The following PPM1H variants were observed in gnomAD, a reference collection of about 807,000 sequenced individuals.
PPM1H encodes protein phosphatase, Mg2+/Mn2+ dependent 1H.
Under a neutral mutation model 54.9 loss-of-function variants are expected in PPM1H, and 27 were observed. The ratio of observed to expected loss-of-function variants is 0.49; its 90% CI spans 0.36 to 0.68. The LOEUF (loss-of-function observed/expected upper bound fraction) is 0.68. PPM1H is among the 30% of genes least tolerant of loss of function. PPM1H has a pLI of 0.00. For missense variants in PPM1H, 596 were observed against 667.8 expected (o/e 0.89, Z 1.19); for synonymous variants, 305 against 270.8 (o/e 1.13, Z -1.24).
intron 8 of PPM1H, among the ~76,000 whole-genome samples, chr12:62,683,596 A>C (rs1056554661): frequency 6.6e-6 from 1 of 152,212 alleles, no homozygotes; most frequent in Non-Finnish European, 1.5e-5. Context: ...AGTTATAAAA[A>C]ATACCTGATA....
chr12:62,744,640 C>T (rs2076400370), intron 4 of PPM1H, among the ~76,000 whole-genome samples: 2 of 152,138 alleles, frequency 1.3e-5, no homozygotes, highest in African/African-American at 2.4e-5. Flanking sequence ...ATTCCATGCC[C>T]GAATCCTGTG....
intron 4 of PPM1H, among the ~76,000 whole-genome samples, chr12:62,762,181 C>A (rs539508676): frequency 2.6e-5 from 4 of 152,332 alleles, no homozygotes; most frequent in Admixed American, 1.3e-4. Flanking sequence ...TTCTGTCTTG[C>A]ACAGGTGGTC....
At chr12:62,898,751 A>G (rs1040762424) in intron 1 of PPM1H, among the ~76,000 whole-genome samples, 3 of 152,218 alleles carry the variant, frequency 2.0e-5, no homozygotes, top group Non-Finnish European at 2.9e-5. Flanking sequence ...ACTTCCTGAA[A>G]CATATTACTG....
chr12:62,721,189 G>C (rs899133654), intron 5 of PPM1H, among the ~76,000 whole-genome samples: 1 of 152,228 alleles, frequency 6.6e-6, no homozygotes, highest in Non-Finnish European at 1.5e-5. Context: ...CAGGTCCTCA[G>C]TGTATGGGTC....
chr12:62,902,576 G>A (rs989016346), intron 1 of PPM1H, among the ~76,000 whole-genome samples: 3 of 152,162 alleles, frequency 2.0e-5, no homozygotes, highest in Admixed American at 6.5e-5. Flanking sequence ...GCCCCTGGGG[G>A]TAGCCTACCT....
At chr12:62,650,824 T>C (rs1032072490) in intron 9 of PPM1H, among the ~76,000 whole-genome samples, 5 of 152,124 alleles carry the variant, frequency 3.3e-5, no homozygotes, top group African/African-American at 1.2e-4. Flanking sequence ...TCGGTCCCCA[T>C]GATCTAATTG....
chr12:62,665,586 A>C (rs932411120), intron 9 of PPM1H, among the ~76,000 whole-genome samples: 1 of 152,114 alleles, frequency 6.6e-6, no homozygotes, highest in African/African-American at 2.4e-5. Context: ...TTTCTAGTTC[A>C]CCAGTGTTCT....
intron 6 of PPM1H, among the ~76,000 whole-genome samples, chr12:62,697,102 A>C (rs770381298): frequency 7.9e-5 from 12 of 151,848 alleles, no homozygotes; most frequent in Admixed American, 2.0e-4. Flanking sequence ...AGAAGAAGAG[A>C]GGAAAGTCAG....
At chr12:62,847,217 A>C (rs999916587) in intron 1 of PPM1H, among the ~76,000 whole-genome samples, 1 of 152,218 alleles carries the variant, frequency 6.6e-6, no homozygotes, top group East Asian at 1.9e-4. Context: ...AGAAGAGTAC[A>C]TGTTGGAAAT....
intron 4 of PPM1H, among the ~76,000 whole-genome samples, chr12:62,747,503 G>T (rs1242441336): frequency 6.6e-6 from 1 of 152,212 alleles, no homozygotes; most frequent in South Asian, 2.1e-4. Context: ...CTCCGAAAGT[G>T]TTGGGATGGC....
chr12:62,895,671 C>G lies in PPM1H; in HGVS notation c.245+38821G>C, dbSNP rs147820519. Among the ~76,000 whole-genome samples, 179 of 152,246 alleles carry G rather than the reference C, an allele frequency of 1.2e-3. 1 individual carries two copies. The highest frequency in any genetic ancestry group is 4.2e-3 in the African/African-American group (176 of 41,530). On this transcript the variant is annotated intron_variant, in intron 1 of 9. Transcript: ENST00000228705. ...ATTCTCAAGGGAGTGAGTGACTTCT[C>G]TTCATTCCTGCAATAACTGGTTGTT...
At chr12:62,867,355 C>G (rs1592644061) in intron 1 of PPM1H, among the ~76,000 whole-genome samples, 1 of 152,066 alleles carries the variant, frequency 6.6e-6, no homozygotes, top group Non-Finnish European at 1.5e-5. Flanking sequence ...GAGCAATGGT[C>G]CTTCAAACTT....
chr12:62,738,546 C>T lies in PPM1H; in HGVS notation c.870-960G>A, dbSNP rs1037064490. Among the ~76,000 whole-genome samples, 5 of 152,266 alleles carry T rather than the reference C, an allele frequency of 3.3e-5. No homozygotes were observed. In the South Asian group the frequency reaches 6.2e-4, roughly 19 times the overall value. ...CAACCTTTCCTGGGTCTATTCCCAG[C>T]GGTGCCTCCTGTTCCCAGACCTTCT... On this transcript the variant is annotated intron_variant, in intron 4 of 9. Coordinates refer to ENST00000228705, the MANE Select transcript of PPM1H (RefSeq NM_020700.2).
intron 8 of PPM1H, among the ~76,000 whole-genome samples, chr12:62,670,156 T>C (rs1365689963): frequency 6.6e-6 from 1 of 151,678 alleles, no homozygotes; most frequent in Admixed American, 6.6e-5. Flanking sequence ...TTTGTATTTT[T>C]AGTAGAGACA....
At chr12:62,828,835 C>T (rs1445383173) in intron 2 of PPM1H, among the ~76,000 whole-genome samples, 2 of 151,756 alleles carry the variant, frequency 1.3e-5, no homozygotes, top group South Asian at 2.1e-4. Flanking sequence ...TACAAAGGTC[C>T]AATAATGAAA....
chr12:62,794,586 C>A (rs1271203967), intron 3 of PPM1H, among the ~76,000 whole-genome samples: 1 of 152,148 alleles, frequency 6.6e-6, no homozygotes, highest in East Asian at 1.9e-4. Flanking sequence ...ATCCTCCCGG[C>A]TATGTCCAGA....
chr12:62,817,845 C>A (rs762627285), intron 2 of PPM1H, among the ~76,000 whole-genome samples: 4 of 152,174 alleles, frequency 2.6e-5, no homozygotes, highest in African/African-American at 9.7e-5. Flanking sequence ...CACAGTGCTG[C>A]CCCGTCCTCT....
chr12:62,759,601 C>T (rs898594897), intron 4 of PPM1H, among the ~76,000 whole-genome samples: 4 of 152,210 alleles, frequency 2.6e-5, no homozygotes, highest in African/African-American at 9.6e-5. Flanking sequence ...TATTCACCCA[C>T]GTTTCAGAGG....
intron 5 of PPM1H, among the ~76,000 whole-genome samples, chr12:62,737,217 T>TAAAAAA (rs111659461): frequency 4.5e-5 from 6 of 134,318 alleles, no homozygotes; most frequent in African/African-American, 1.1e-4. Flanking sequence ...AAGAAGCCAT[T>TAAAAAA]AAAAAAAAAA....
Sources: allele counts gnomAD v4.1 joint callset (sites outside exome capture counted in the v4.1 genomes callset), GRCh38; gene constraint gnomAD v4.1.1; transcripts MANE v1.5; gene names NCBI Gene and HGNC (gene_info 2026-07-23, HGNC 2026-07-21).